IL22RA2: variants seen among roughly 807,000 people sequenced by gnomAD.
The protein encoded by IL22RA2 is interleukin 22 receptor subunit alpha 2, also known as interleukin-22 receptor subunit alpha-2.
IL22RA2 carries 39 observed loss-of-function variants against 30.7 expected under a neutral mutation model. The ratio of observed to expected loss-of-function variants is 1.27; its 90% CI spans 0.98 to 1.66. IL22RA2 has a LOEUF of 1.66. Among genes scored for constraint, IL22RA2 ranks in the 40% most tolerant of loss-of-function variants. IL22RA2 has a pLI of 0.00. For synonymous variants in IL22RA2, 103 were observed against 105.0 expected, an observed-to-expected ratio of 0.98 and a Z score of 0.11; for missense variants, 315 against 312.7, an observed-to-expected ratio of 1.01 and a Z score of -0.05.
intron 1 of IL22RA2, among the ~76,000 whole-genome samples, chr6:137,172,667 A>G (rs1348366510): frequency 6.6e-6 from 1 of 152,196 alleles, no homozygotes; most frequent in Non-Finnish European, 1.5e-5. Context: ...ACTCCGCAGC[A>G]GGGAGAGTCC....
chr6:137,158,551 C>A, intron 2 of IL22RA2, 69 bp from the exon 3 acceptor site: 1 of 1,515,362 alleles, frequency 6.6e-7, no homozygotes, highest in Non-Finnish European at 9.1e-7. Flanking sequence ...CAGTAGTTTT[C>A]AGTGGAATAC....
intron 4 of IL22RA2, among the ~76,000 whole-genome samples, chr6:137,156,261 G>A (rs1188213795): frequency 5.3e-5 from 8 of 152,176 alleles, no homozygotes; most frequent in Admixed American, 5.2e-4. Context: ...GTGGGGAAAA[G>A]AGAAGGAATT....
intron 3 of IL22RA2, among the ~76,000 whole-genome samples, 196 bp from the exon 4 acceptor site, chr6:137,157,050 C>T (rs1165529145): frequency 6.6e-6 from 1 of 152,038 alleles, no homozygotes; most frequent in Non-Finnish European, 1.5e-5. Context: ...CAAACACCTC[C>T]TACGAGGCCC....
intron 2 of IL22RA2, 61 bp downstream of exon 2, chr6:137,161,628 G>A (rs1039254291): frequency 7.1e-7 from 1 of 1,404,960 alleles, no homozygotes; most frequent in Non-Finnish European, 1.0e-6. Context: ...ATTTCCAACA[G>A]ATCCTTGATT....
intron 3 of IL22RA2, among the ~76,000 whole-genome samples, chr6:137,157,679 T>G (rs1173316617): frequency 9.1e-6 from 1 of 109,438 alleles, no homozygotes. Flanking sequence ...TCAACCCCCC[T>G]CACCCCCCCA....
rs1468111322 is a variant in IL22RA2 at position 137,161,829 on chromosome 6, AACAG to A, written c.-65-19_-65-16del. On this transcript the variant is annotated splice_polypyrimidine_tract_variant and intron_variant, in intron 1 of 6. Coordinates refer to ENST00000296980, the MANE Select transcript of IL22RA2 (RefSeq NM_052962.3). ...CAAAGAGGAAACTGTAAAATCCACA[AACAG>A]ACAATCACTCCCGGGTTTAAGGCAG... 11 of 1,105,230 alleles carry A rather than the reference AACAG, an allele frequency of 1.0e-5. No individual in the cohort carries two copies. In the Admixed American group the frequency reaches 1.3e-4, roughly 13 times the overall value. 68.5% of individuals were successfully genotyped at this position (1,105,230 alleles called of 1,614,324 possible).
intron 5 of IL22RA2, among the ~76,000 whole-genome samples, chr6:137,148,775 G>C (rs969195621): frequency 6.6e-6 from 1 of 152,160 alleles, no homozygotes; most frequent in African/African-American, 2.4e-5. Flanking sequence ...GGAATAATGG[G>C]ATAGTTAACT....
At chr6:137,169,662 C>T (rs1582613362) in intron 1 of IL22RA2, among the ~76,000 whole-genome samples, 1 of 152,126 alleles carries the variant, frequency 6.6e-6, no homozygotes, top group Non-Finnish European at 1.5e-5. Context: ...ATACTGTACT[C>T]CTATTTATAT....
chr6:137,160,201 C>A (rs1014054058), intron 2 of IL22RA2, among the ~76,000 whole-genome samples: 1 of 152,210 alleles, frequency 6.6e-6, no homozygotes, highest in Non-Finnish European at 1.5e-5. Context: ...AGATAGATGG[C>A]TTAATGCCCT....
At chr6:137,145,826 A>G in intron 6 of IL22RA2, 53 bp from the exon 7 acceptor site, 1 of 1,600,546 alleles carries the variant, frequency 6.2e-7, no homozygotes, top group East Asian at 2.2e-5. Flanking sequence ...ATTAAGTCAC[A>G]GCTGCATTTT....
rs1302626911 is a variant in IL22RA2 at position 137,144,401 on chromosome 6, G to A, written c.*1223C>T. On this transcript the variant is annotated 3_prime_UTR_variant, in exon 7 of 7. Transcript: ENST00000296980. Reference sequence around the variant, plus strand: ...CGACTATATTGTTATCAACTTTGGAGCAATTTTCATGGGGAATTGTACAAA... The same window carrying A: ...CGACTATATTGTTATCAACTTTGGAACAATTTTCATGGGGAATTGTACAAA... 1.3e-5 allele frequency: 2 copies of A among 152,164 alleles called. No individual in the cohort carries two copies. Among genetic ancestry groups the A allele is most frequent in the African/African-American group, 4.8e-5 (2 of 41,420 alleles). 9.4% of individuals were successfully genotyped at this position (152,164 alleles called of 1,614,324 possible). A position where few individuals can be genotyped will look rare whatever the true frequency, so the allele number is the denominator to read the frequency against.
chr6:137,169,388 C>T (rs1290282689), intron 1 of IL22RA2, among the ~76,000 whole-genome samples: 1 of 152,164 alleles, frequency 6.6e-6, no homozygotes, highest in Non-Finnish European at 1.5e-5. Flanking sequence ...ATCTGTGGAA[C>T]AAAGGCTTAT....
intron 5 of IL22RA2, among the ~76,000 whole-genome samples, chr6:137,153,913 A>T (rs1778344772): frequency 6.6e-6 from 1 of 152,184 alleles, no homozygotes; most frequent in East Asian, 1.9e-4. Context: ...ATGAAGGAAG[A>T]AGTCATAAAT....
At chr6:137,165,922 G>A (rs1427598839) in intron 1 of IL22RA2, among the ~76,000 whole-genome samples, 1 of 152,138 alleles carries the variant, frequency 6.6e-6, no homozygotes, top group Non-Finnish European at 1.5e-5. Context: ...GATATCAAGG[G>A]CTTTTGTGTG....
At chr6:137,171,666 C>T (rs965258085) in intron 1 of IL22RA2, among the ~76,000 whole-genome samples, 3 of 152,142 alleles carry the variant, frequency 2.0e-5, no homozygotes, top group South Asian at 2.1e-4. Flanking sequence ...GCTGGGGCCA[C>T]GCAGGGAAAA....
chr6:137,147,409 AAAT>A (rs1270838480), intron 6 of IL22RA2, among the ~76,000 whole-genome samples: 1 of 150,948 alleles, frequency 6.6e-6, no homozygotes, highest in East Asian at 1.9e-4. Context: ...ATAAATAAAT[AAAT>A]AAGGTGTGCA....
intron 6 of IL22RA2, 71 bp downstream of exon 6, chr6:137,147,651 C>T: frequency 1.6e-6 from 2 of 1,239,844 alleles, no homozygotes; most frequent in Admixed American, 5.3e-5. Flanking sequence ...GAGGACATCT[C>T]ATATGACCAC....
At chr6:137,157,447 G>A (rs958397585) in intron 3 of IL22RA2, among the ~76,000 whole-genome samples, 17 of 149,782 alleles carry the variant, frequency 1.1e-4, no homozygotes, top group East Asian at 5.8e-4. Context: ...AAGTCGTAGC[G>A]GTTAAAGATG....
intron 5 of IL22RA2, 94 bp from the exon 6 acceptor site, chr6:137,147,985 A>G: frequency 1.7e-6 from 2 of 1,181,760 alleles, no homozygotes; most frequent in Non-Finnish European, 2.5e-6. Context: ...TGGTGGGAGG[A>G]TCACCTGAGC....
Sources: gnomAD v4.1 joint callset for allele counts (sites outside exome capture counted in the v4.1 genomes callset) on GRCh38, gnomAD v4.1.1 for gene constraint, MANE v1.5 for transcripts, NCBI Gene and HGNC (gene_info 2026-07-23, HGNC 2026-07-21) for gene names.